KCNQ5: variants seen among roughly 807,000 people sequenced by gnomAD.
KCNQ5 encodes potassium voltage-gated channel subfamily Q member 5.
Under a neutral mutation model 98.2 loss-of-function variants are expected in KCNQ5, and 30 were observed. The ratio of observed to expected loss-of-function variants is 0.31; its 90% CI spans 0.23 to 0.41. The LOEUF is 0.41. Among genes scored for constraint, KCNQ5 ranks in the 10% least tolerant of loss-of-function variants. The probability of loss-of-function intolerance (pLI) is 1.00; values close to 1 mark genes in which losing one functional copy is unlikely to be tolerated. For synonymous variants in KCNQ5, 458 were observed against 449.4 expected, an observed-to-expected ratio of 1.02 and a Z score of -0.24; for missense variants, 835 against 1,182.5, an observed-to-expected ratio of 0.71 and a Z score of 4.31.
At position 72,655,023 on chromosome 6, in the gene KCNQ5, TCTG is replaced by T. The variant is rs1565060066; in HGVS notation, c.398+32437_398+32439del. On this transcript the variant is annotated intron_variant, in intron 1 of 13. Coordinates refer to ENST00000370398, the MANE Select transcript of KCNQ5 (RefSeq NM_019842.4). ...TTCCATGTTTAATAGCCAAGGTCTG[TCTG>T]TCTTTCTTTCTTTCTTTCTTTCTTT... Among the ~76,000 whole-genome samples the T allele has an allele frequency of 9.7e-4, 78 of 80,644 alleles. 2 individuals are homozygous for T. The highest frequency in any genetic ancestry group is 7.5e-3 in the African/African-American group (61 of 8,166). 52.9% of individuals were successfully genotyped at this position (80,644 alleles called of 152,430 possible). A position where few individuals can be genotyped will look rare whatever the true frequency, so the allele number is the denominator to read the frequency against.
Position 73,117,344 on chromosome 6 carries a change from TCAGC to T in KCNQ5, c.1126-3136_1126-3133del, listed in dbSNP as rs372842213. Among the ~76,000 whole-genome samples, 382 of 152,338 alleles carry T rather than the reference TCAGC, an allele frequency of 2.5e-3. 4 individuals are homozygous for T. The highest frequency in any genetic ancestry group is 7.6e-3 in the African/African-American group (317 of 41,584). On this transcript the variant is annotated intron_variant, in intron 7 of 13. Transcript: ENST00000370398. ...CCTTCATTTTTACTGTTAACTAATA[TCAGC>T]CATGTGACAGATGCCACCTGCACCT...
chr6:72,927,175 A>T (rs1315044859), intron 1 of KCNQ5, among the ~76,000 whole-genome samples: 3 of 152,216 alleles, frequency 2.0e-5, no homozygotes, highest in Non-Finnish European at 4.4e-5. Flanking sequence ...TAGGTGTTTC[A>T]GTAGTACTTA....
intron 1 of KCNQ5, among the ~76,000 whole-genome samples, chr6:72,817,925 C>CA (rs977792121): frequency 2.7e-5 from 4 of 150,208 alleles, no homozygotes; most frequent in Admixed American, 6.7e-5. Context: ...GAGGCCCACA[C>CA]AAAAAAAAGA....
intron 3 of KCNQ5, among the ~76,000 whole-genome samples, chr6:73,060,071 T>C (rs1473017803): frequency 6.6e-6 from 1 of 152,022 alleles, no homozygotes; most frequent in Non-Finnish European, 1.5e-5. Flanking sequence ...CCAGTGGTGC[T>C]TTATAGAGAG....
chr6:72,932,220 AGT>A (rs1412582343), intron 1 of KCNQ5, among the ~76,000 whole-genome samples: 16 of 152,020 alleles, frequency 1.1e-4, no homozygotes, highest in African/African-American at 3.9e-4. Flanking sequence ...CTGTCGGGTG[AGT>A]GAGAGCTGGG....
chr6:72,894,156 A>AAC (rs1270118002), intron 1 of KCNQ5, among the ~76,000 whole-genome samples: 49 of 152,316 alleles, frequency 3.2e-4, no homozygotes, highest in African/African-American at 1.2e-3. Context: ...TTTAACATTT[A>AAC]TCATCTCTAT....
intron 1 of KCNQ5, among the ~76,000 whole-genome samples, chr6:72,766,559 G>T (rs1396022810): frequency 2.0e-5 from 3 of 152,000 alleles, no homozygotes; most frequent in African/African-American, 7.2e-5. Flanking sequence ...GCCTAGGTTG[G>T]TAGCAGTGGA....
At chr6:73,184,238 G>A (rs76894334) in intron 11 of KCNQ5, among the ~76,000 whole-genome samples, 2 of 152,206 alleles carry the variant, frequency 1.3e-5, no homozygotes, top group East Asian at 1.9e-4. Flanking sequence ...TCCTAATTAC[G>A]TTAGCAATCT....
intron 5 of KCNQ5, among the ~76,000 whole-genome samples, chr6:73,098,981 CA>C (rs202024090): frequency 0.027 from 4,049 of 152,014 alleles, 83 homozygotes; most frequent in East Asian, 0.1. Context: ...GTAGAAACAA[CA>C]AAAAGTTTAA....
chr6:72,875,718 A>C (rs1229324193), intron 1 of KCNQ5, among the ~76,000 whole-genome samples: 2 of 152,038 alleles, frequency 1.3e-5, no homozygotes, highest in Admixed American at 6.6e-5. Context: ...TGGGTTCTTC[A>C]TGTATTTTTA....
At chr6:72,936,824 G>A (rs1391717993) in intron 1 of KCNQ5, among the ~76,000 whole-genome samples, 2 of 152,036 alleles carry the variant, frequency 1.3e-5, no homozygotes, top group East Asian at 3.9e-4. Flanking sequence ...TCTGAGCCTT[G>A]GTTTTCTCAT....
intron 1 of KCNQ5, among the ~76,000 whole-genome samples, chr6:72,975,389 G>A (rs996886213): frequency 3.3e-5 from 5 of 152,168 alleles, no homozygotes; most frequent in Non-Finnish European, 7.3e-5. Context: ...GAGAGAGGAA[G>A]TTTGTGTTGT....
At chr6:73,064,640 C>T (rs1772968335) in intron 3 of KCNQ5, among the ~76,000 whole-genome samples, 1 of 152,072 alleles carries the variant, frequency 6.6e-6, no homozygotes, top group African/African-American at 2.4e-5. Context: ...AAATTTTAAA[C>T]ATCTGATGGT....
intron 1 of KCNQ5, among the ~76,000 whole-genome samples, chr6:72,839,296 T>TC (rs1776681728): frequency 6.6e-6 from 1 of 152,246 alleles, no homozygotes; most frequent in East Asian, 1.9e-4. Context: ...AGATTTCATA[T>TC]CATTTTATAC....
intron 10 of KCNQ5, chr6:73,136,683 T>C (rs1335729002): frequency 3.3e-5 from 5 of 152,192 alleles, no homozygotes; most frequent in Admixed American, 1.3e-4. Flanking sequence ...TAGTCCAGAA[T>C]CTTTACCTCT....
intron 10 of KCNQ5, among the ~76,000 whole-genome samples, chr6:73,167,737 G>C (rs1221479917): frequency 2.6e-5 from 4 of 152,172 alleles, no homozygotes; most frequent in African/African-American, 7.2e-5. Flanking sequence ...GGTTCTGAAG[G>C]TTGGAAGTTC....
intron 1 of KCNQ5, chr6:72,987,279 G>A: frequency 1.4e-6 from 1 of 693,442 alleles, no homozygotes; most frequent in Non-Finnish European, 2.8e-6. Context: ...AACAGAGACG[G>A]ACTTAGAGGT....
chr6:72,644,258 T>C (rs1038333819), intron 1 of KCNQ5, among the ~76,000 whole-genome samples: 2 of 152,194 alleles, frequency 1.3e-5, no homozygotes, highest in Admixed American at 1.3e-4. Context: ...TATGTGTGTT[T>C]CTGTTTAAAG....
At chr6:73,021,912 C>G (rs1227250669) in intron 2 of KCNQ5, among the ~76,000 whole-genome samples, 1 of 151,966 alleles carries the variant, frequency 6.6e-6, no homozygotes. Context: ...TTTTTTCACT[C>G]TTCCTCATTT....
Sources: allele counts gnomAD v4.1 joint callset (sites outside exome capture counted in the v4.1 genomes callset), GRCh38; gene constraint gnomAD v4.1.1; transcripts MANE v1.5; gene names NCBI Gene and HGNC (gene_info 2026-07-23, HGNC 2026-07-21).